DNAJB6: variants seen among roughly 807,000 people sequenced by gnomAD.
DNAJB6 encodes the protein dnaJ homolog subfamily B member 6.
In DNAJB6, 16 loss-of-function variants were observed where a neutral mutation model predicts 42.7. The observed-to-expected ratio is 0.37, with a 90% confidence interval of 0.25 to 0.57. The LOEUF is 0.57. DNAJB6 is among the 20% of genes least tolerant of loss of function. The pLI is 0.74. For synonymous variants in DNAJB6, 170 were observed against 163.5 expected (o/e 1.04, Z -0.30); for missense variants, 347 against 416.8 (o/e 0.83, Z 1.46).
Position 157,367,501 on chromosome 7 carries a change from G to A in DNAJB6, c.346+18G>A, listed in dbSNP as rs761485382. 3 of 1,437,676 alleles carry A rather than the reference G, an allele frequency of 2.1e-6. No individual in the cohort carries two copies. The highest frequency in any genetic ancestry group is 2.3e-5 in the South Asian group (2 of 87,568). The allele number at this position is 1,437,676 out of a possible 1,614,324, so 89.1% of individuals were successfully genotyped here. A position where few individuals can be genotyped will look rare whatever the true frequency, so the allele number is the denominator to read the frequency against. On this transcript the variant is annotated intron_variant, in intron 5 of 9. Transcript: ENST00000262177. ...CTTCTTTGGTAAGTTAATCACGTGGGTTGACTTGGTGTGTGTCCATGACCC... is the reference window on the plus strand; with the variant it reads ...CTTCTTTGGTAAGTTAATCACGTGGATTGACTTGGTGTGTGTCCATGACCC...
At chr7:157,355,103 T>A (rs935657378) in intron 1 of DNAJB6, among the ~76,000 whole-genome samples, 1 of 152,186 alleles carries the variant, frequency 6.6e-6, no homozygotes, top group Non-Finnish European at 1.5e-5. Context: ...AAAACCCACA[T>A]GTAGGATGAG....
chr7:157,370,673 C>T (rs573777714), intron 5 of DNAJB6: 2 of 152,728 alleles, frequency 1.3e-5, no homozygotes, highest in East Asian at 3.9e-4. Context: ...GTTAAATGCT[C>T]CATTTTACAT....
intron 8 of DNAJB6, among the ~76,000 whole-genome samples, chr7:157,408,111 C>T (rs1029328124): frequency 6.6e-6 from 1 of 152,162 alleles, no homozygotes; most frequent in African/African-American, 2.4e-5. Flanking sequence ...GGCTAGGTGA[C>T]CCCTCTCAGC....
At chr7:157,348,500 G>A (rs1321791458) in intron 1 of DNAJB6, among the ~76,000 whole-genome samples, 2 of 152,146 alleles carry the variant, frequency 1.3e-5, no homozygotes, top group Admixed American at 1.3e-4. Context: ...TTCTTGCCTT[G>A]GAGAAGGACC....
At chr7:157,409,192 TA>T (rs1269110979) in intron 8 of DNAJB6, among the ~76,000 whole-genome samples, 2 of 152,232 alleles carry the variant, frequency 1.3e-5, no homozygotes, top group Non-Finnish European at 2.9e-5. Context: ...CAAAGATTAA[TA>T]AAAGCACAAC....
At chr7:157,356,380 T>C (rs1799276267) in intron 1 of DNAJB6, among the ~76,000 whole-genome samples, 1 of 152,222 alleles carries the variant, frequency 6.6e-6, no homozygotes, top group South Asian at 2.1e-4. Context: ...GTGCTGTGAC[T>C]GATGGGCAGG....
At chr7:157,346,854 C>CT (rs898345570) in intron 1 of DNAJB6, among the ~76,000 whole-genome samples, 53 of 152,060 alleles carry the variant, frequency 3.5e-4, no homozygotes, top group Admixed American at 2.0e-3. Context: ...CAGCTATTTT[C>CT]TTTTTTTTCT....
intron 1 of DNAJB6, among the ~76,000 whole-genome samples, chr7:157,358,117 A>G (rs1464115090): frequency 2.0e-5 from 3 of 152,122 alleles, no homozygotes; most frequent in African/African-American, 7.2e-5. Flanking sequence ...GGCAGGGACA[A>G]CGTGTTTGTC....
intron 1 of DNAJB6, among the ~76,000 whole-genome samples, chr7:157,339,482 A>G (rs1798231979): frequency 6.6e-6 from 1 of 150,526 alleles, no homozygotes; most frequent in African/African-American, 2.4e-5. Flanking sequence ...GTATTTTTTT[A>G]GTAGAGACGG....
chr7:157,340,946 G>T (rs947124901), intron 1 of DNAJB6, among the ~76,000 whole-genome samples: 1 of 151,504 alleles, frequency 6.6e-6, no homozygotes, highest in African/African-American at 2.4e-5. Flanking sequence ...GATTACAGGC[G>T]TGACCCACCG....
rs182564656 is a variant in DNAJB6, at chr7:157,411,690, C to T, written c.898+1689C>T. 1.8e-3 allele frequency: 274 copies of T among 152,284 alleles called. 1 individual carries two copies. Among genetic ancestry groups the T allele is most frequent in the Non-Finnish European group, 3.3e-3 (224 of 68,032 alleles). 9.4% of individuals were successfully genotyped at this position (152,284 alleles called of 1,614,324 possible). A position where few individuals can be genotyped will look rare whatever the true frequency, so the allele number is the denominator to read the frequency against. ...GAGAACGTGGTGTGCAGGTGCGGGC[C>T]GCCTGGGGGAGCCATGTTTAAAGTG... On this transcript the variant is annotated intron_variant, in intron 9 of 9. Transcript: ENST00000262177.
At chr7:157,354,445 C>T (rs1369038650) in intron 1 of DNAJB6, among the ~76,000 whole-genome samples, 1 of 151,674 alleles carries the variant, frequency 6.6e-6, no homozygotes, top group Non-Finnish European at 1.5e-5. Context: ...CTGTGCCCAG[C>T]TATTCATTTT....
chr7:157,385,572 G>A lies in DNAJB6; in HGVS notation c.652G>A (p.Val218Ile). ...CGAGAACGGTCAAGAAAGAGTAGAA[G>A]TTGAAGAAGATGGCCAGTTAAAGTC... ...IVENGQERVE[V>I]EEDGQLKSLT... Residue 218 changes from valine (V) to isoleucine (I), a missense_variant, in exon 8 of 10, where the codon GTT becomes ATT. This residue lies in a region of DNAJB6 where 264 missense variants were observed against 288.0 expected (regional missense o/e 0.92). Transcript: ENST00000262177. The A allele has an allele frequency of 6.2e-7, 1 of 1,613,920 alleles. No homozygotes were observed. Among genetic ancestry groups the A allele is most frequent in the Non-Finnish European group, 8.5e-7 (1 of 1,179,842 alleles).
chr7:157,370,504 C>G lies in DNAJB6; in HGVS notation c.346+3021C>G, dbSNP rs568813201. Among the ~76,000 whole-genome samples, 3 of 152,248 alleles carry G rather than the reference C, an allele frequency of 2.0e-5. No homozygotes were observed. In the South Asian group the frequency reaches 6.2e-4, roughly 32 times the overall value. On this transcript the variant is annotated intron_variant, in intron 5 of 9. Transcript: ENST00000262177. ...GGGTCCCTTAGTGACTGAATTGTAGCTAATTTTTGTTTTCCTTGGGGAAAA... is the reference window on the plus strand; with the variant it reads ...GGGTCCCTTAGTGACTGAATTGTAGGTAATTTTTGTTTTCCTTGGGGAAAA...
Position 157,417,368 on chromosome 7 carries a change from C to G in DNAJB6, c.*1270C>G, listed in dbSNP as rs1269092314. On this transcript the variant is annotated 3_prime_UTR_variant, in exon 10 of 10. Coordinates refer to ENST00000262177, the MANE Select transcript of DNAJB6 (RefSeq NM_058246.4). Reference sequence around the variant, plus strand: ...AGTGGTATTTGATGCTTTCTGTGGACAATGTAACCCTAAACACATCATGTA... The same window carrying G: ...AGTGGTATTTGATGCTTTCTGTGGAGAATGTAACCCTAAACACATCATGTA... 1 of 152,136 alleles carries G rather than the reference C, an allele frequency of 6.6e-6. No individual in the cohort carries two copies. The highest frequency in any genetic ancestry group is 1.5e-5 in the Non-Finnish European group (1 of 68,034). 9.4% of individuals were successfully genotyped at this position (152,136 alleles called of 1,614,324 possible). A position where few individuals can be genotyped will look rare whatever the true frequency, so the allele number is the denominator to read the frequency against.
At chr7:157,357,395 G>A (rs1463604874) in intron 1 of DNAJB6, among the ~76,000 whole-genome samples, 1 of 149,246 alleles carries the variant, frequency 6.7e-6, no homozygotes, top group African/African-American at 2.5e-5. Context: ...GCTCACTGCA[G>A]TCTCTGCCTC....
intron 1 of DNAJB6, among the ~76,000 whole-genome samples, chr7:157,345,520 T>C (rs1252394731): frequency 1.3e-5 from 2 of 152,126 alleles, no homozygotes; most frequent in Non-Finnish European, 2.9e-5. Context: ...TCTTACTGTG[T>C]TGCCCAGGCT....
rs1796104629 is a variant in DNAJB6, at chr7:157,416,211, C to G, written c.*113C>G. 5 of 1,482,254 alleles carry G rather than the reference C, an allele frequency of 3.4e-6. No homozygotes were observed. The highest frequency in any genetic ancestry group is 4.6e-6 in the Non-Finnish European group (5 of 1,093,962). 91.8% of individuals were successfully genotyped at this position (1,482,254 alleles called of 1,614,324 possible). A position where few individuals can be genotyped will look rare whatever the true frequency, so the allele number is the denominator to read the frequency against. ...GTCGGTCAGGACTGTCTCGAGGCCA[C>G]ACTCGCTCGGCAGGATTATGCGATC... On this transcript the variant is annotated 3_prime_UTR_variant, in exon 10 of 10. Transcript: ENST00000262177.
At chr7:157,353,927 G>T (rs1369045753) in intron 1 of DNAJB6, among the ~76,000 whole-genome samples, 1 of 152,088 alleles carries the variant, frequency 6.6e-6, no homozygotes, top group East Asian at 1.9e-4. Context: ...GCCTCCCAAA[G>T]TGCTGGAATT....
Sources: allele counts gnomAD v4.1 joint callset (sites outside exome capture counted in the v4.1 genomes callset), GRCh38; gene constraint gnomAD v4.1.1; regional missense constraint gnomAD v4.1.1; transcripts MANE v1.5; gene names NCBI Gene and HGNC (gene_info 2026-07-23, HGNC 2026-07-21).